The following FIP1L1 variants were observed in gnomAD, a reference collection of about 807,000 sequenced individuals.
The protein encoded by FIP1L1 is pre-mRNA 3'-end-processing factor FIP1.
FIP1L1 carries 21 observed loss-of-function variants against 84.6 expected under a neutral mutation model. The ratio of observed to expected loss-of-function variants is 0.25; its 90% CI spans 0.18 to 0.36. The LOEUF is 0.36. Among genes scored for constraint, FIP1L1 ranks in the 10% least tolerant of loss-of-function variants. The pLI is 1.00. For missense variants in FIP1L1, 526 were observed against 751.1 expected, an observed-to-expected ratio of 0.70 and a Z score of 3.50; for synonymous variants, 263 against 242.3, an observed-to-expected ratio of 1.09 and a Z score of -0.80.
chr4:53,442,365 T>C, intron 13 of FIP1L1: 1 of 286,090 alleles, frequency 3.5e-6, no homozygotes, highest in Non-Finnish European at 6.5e-6. Flanking sequence ...GCATTGAGAT[T>C]AACTTTCTCA....
intron 13 of FIP1L1, among the ~76,000 whole-genome samples, chr4:53,441,327 A>G (rs902656337): frequency 3.3e-5 from 5 of 151,962 alleles, no homozygotes; most frequent in African/African-American, 4.8e-5. Context: ...AATGACTTCA[A>G]TAAACAGAAA....
rs184420519 is a variant in FIP1L1, at chr4:53,457,068, T to A, written c.1500-1585T>A. The stretch of plus-strand genomic sequence containing the variant: ...CTAAAAAGTTCTGCTTCTGAAAAAA[T>A]TAAGCATTAAATTCACCAAGGACTG... On this transcript the variant is annotated intron_variant, in intron 16 of 17. Transcript: ENST00000337488. Among the ~76,000 whole-genome samples, 61 of 152,202 alleles carry A rather than the reference T, an allele frequency of 4.0e-4. 1 individual carries two copies. The highest frequency in any genetic ancestry group is 3.8e-3 in the Admixed American group (58 of 15,282).
intron 10 of FIP1L1, among the ~76,000 whole-genome samples, chr4:53,406,389 T>C (rs1185025080): frequency 1.3e-5 from 2 of 152,226 alleles, no homozygotes; most frequent in African/African-American, 4.8e-5. Context: ...AGCTTTTTGA[T>C]GTGCTGCTGG....
At chr4:53,395,252 T>C (rs1746591938) in intron 9 of FIP1L1, among the ~76,000 whole-genome samples, 1 of 152,208 alleles carries the variant, frequency 6.6e-6, no homozygotes, top group African/African-American at 2.4e-5. Flanking sequence ...AATTGTTTAA[T>C]AGAATGAGGA....
At chr4:53,440,100 G>C (rs1225773251) in intron 13 of FIP1L1, among the ~76,000 whole-genome samples, 1 of 151,834 alleles carries the variant, frequency 6.6e-6, no homozygotes, top group African/African-American at 2.4e-5. Flanking sequence ...AACAATACTA[G>C]AACAGTCAAC....
At chr4:53,453,975 G>A (rs550092371) in intron 16 of FIP1L1, among the ~76,000 whole-genome samples, 1 of 152,004 alleles carries the variant, frequency 6.6e-6, no homozygotes, top group Non-Finnish European at 1.5e-5. Flanking sequence ...TTCCCTCAAA[G>A]AATTTTGTTC....
chr4:53,428,173 T>C lies in FIP1L1; in HGVS notation c.1164T>C (p.Ile388=). The change falls in exon 13 of 18, where the codon ATT becomes ATC. Residue 388 remains isoleucine, a synonymous_variant. Transcript: ENST00000337488. The stretch of plus-strand genomic sequence containing the variant: ...CTGTCAGCACTGCTCCACCTCTGAT[T>C]CCACCACCGGGTAAATAGTAAATAA... ...PPTVSTAPPL[I]PPPGFPPPPG... is the part of the protein sequence containing the mutation. The C allele has an allele frequency of 1.3e-6, 2 of 1,579,704 alleles. No individual in the cohort carries two copies. Among genetic ancestry groups the C allele is most frequent in the Non-Finnish European group, 1.7e-6 (2 of 1,158,940 alleles).
At chr4:53,446,842 T>C in intron 15 of FIP1L1, among the ~76,000 whole-genome samples, 1 of 152,168 alleles carries the variant, frequency 6.6e-6, no homozygotes, top group East Asian at 1.9e-4. Context: ...ACTTGGTATT[T>C]AACTTTTTCT....
At chr4:53,430,276 G>A (rs1438920402) in intron 13 of FIP1L1, among the ~76,000 whole-genome samples, 1 of 151,288 alleles carries the variant, frequency 6.6e-6, no homozygotes, top group Non-Finnish European at 1.5e-5. Flanking sequence ...TGCTACAGAG[G>A]TAATTGCTAC....
At chr4:53,446,175 G>C (rs903439992) in intron 15 of FIP1L1, among the ~76,000 whole-genome samples, 1 of 149,524 alleles carries the variant, frequency 6.7e-6, no homozygotes, top group Non-Finnish European at 1.5e-5. Context: ...TTGTTTCAAT[G>C]ACTATGTTTC....
At chr4:53,442,948 C>T (rs912032406) in intron 14 of FIP1L1, among the ~76,000 whole-genome samples, 1 of 152,010 alleles carries the variant, frequency 6.6e-6, no homozygotes, top group Non-Finnish European at 1.5e-5. Context: ...TGATTTATGA[C>T]ACACTTGATT....
At chr4:53,389,979 C>T in intron 6 of FIP1L1, 106 bp downstream of exon 6, 1 of 818,892 alleles carries the variant, frequency 1.2e-6, no homozygotes, top group Non-Finnish European at 1.9e-6. Context: ...GGCTCTGTCA[C>T]TCAGGCTGGA....
chr4:53,413,663 C>T (rs181799747), intron 10 of FIP1L1, among the ~76,000 whole-genome samples: 30 of 152,054 alleles, frequency 2.0e-4, no homozygotes, highest in Non-Finnish European at 4.0e-4. Context: ...TCTTTTTAGG[C>T]TAAGGGTATA....
At chr4:53,412,167 C>G (rs929959069) in intron 10 of FIP1L1, among the ~76,000 whole-genome samples, 1 of 152,036 alleles carries the variant, frequency 6.6e-6, no homozygotes, top group South Asian at 2.1e-4. Context: ...TATAATTTCT[C>G]AAAAACATTT....
intron 5 of FIP1L1, among the ~76,000 whole-genome samples, chr4:53,389,547 G>C (rs1198773003): frequency 2.0e-5 from 3 of 152,108 alleles, no homozygotes. Flanking sequence ...GCTGGGCACG[G>C]TGGCTCACTC....
rs1354706124 is a variant in FIP1L1, at chr4:53,459,522, T to C, written c.*73T>C. The C allele has an allele frequency of 1.9e-6, 3 of 1,595,138 alleles. No homozygotes were observed. The highest frequency in any genetic ancestry group is 2.2e-5 in the East Asian group (1 of 44,784). ...TAAATCTTGTTATTTTTCTGGATAATGTTTAAGAAATTTACCTTAAATCTT... is the reference window on the plus strand; with the variant it reads ...TAAATCTTGTTATTTTTCTGGATAACGTTTAAGAAATTTACCTTAAATCTT... On this transcript the variant is annotated 3_prime_UTR_variant, in exon 18 of 18. Transcript: ENST00000337488.
intron 4 of FIP1L1, among the ~76,000 whole-genome samples, chr4:53,382,591 A>G (rs1738678136): frequency 6.6e-6 from 1 of 152,260 alleles, no homozygotes; most frequent in African/African-American, 2.4e-5. Flanking sequence ...AAGGAATTGA[A>G]TGGTTATAAA....
At chr4:53,443,664 G>A (rs981496944) in intron 14 of FIP1L1, among the ~76,000 whole-genome samples, 2 of 152,056 alleles carry the variant, frequency 1.3e-5, no homozygotes, top group African/African-American at 4.8e-5. Flanking sequence ...ATGTTAAAAA[G>A]TATTCTTTGT....
chr4:53,379,022 A>G (rs773451241), intron 1 of FIP1L1, 51 bp from the exon 2 acceptor site: 12 of 1,560,090 alleles, frequency 7.7e-6, no homozygotes, highest in Non-Finnish European at 1.0e-5. Context: ...CCATAAAATA[A>G]GTATCTTGTT....
Sources: gnomAD v4.1 joint callset for allele counts (sites outside exome capture counted in the v4.1 genomes callset) on GRCh38, gnomAD v4.1.1 for gene constraint, MANE v1.5 for transcripts, NCBI Gene and HGNC (gene_info 2026-07-23, HGNC 2026-07-21) for gene names.